ABCA4: variants seen among roughly 807,000 people sequenced by gnomAD.
ABCA4 encodes the protein ATP binding cassette subfamily A member 4.
Under a neutral mutation model 263.7 loss-of-function variants are expected in ABCA4, and 196 were observed. That is an observed-to-expected ratio of 0.74 (90% CI 0.66 to 0.84). The LOEUF is 0.84. ABCA4 is among the 40% of genes least tolerant of loss of function. The pLI, the probability that ABCA4 is intolerant of heterozygous loss-of-function variation, is 0.00. For synonymous variants in ABCA4, 1,133 were observed against 1,094.2 expected (o/e 1.04, Z -0.70); for missense variants, 2,792 against 2,855.1 (o/e 0.98, Z 0.50).
chr1:94,041,316 A>G lies in ABCA4; in HGVS notation c.3415T>C (p.Tyr1139His). 6.2e-7 allele frequency: 1 copy of G among 1,614,154 alleles called. No individual in the cohort carries two copies. The highest frequency in any genetic ancestry group is 8.5e-7 in the Non-Finnish European group (1 of 1,180,026). The change falls in exon 23 of 50, where the codon TAC (tyrosine) becomes CAC (histidine). Residue 1139 changes from tyrosine (Y) to histidine (H), a missense_variant. By Grantham distance (83) the Tyr-to-His change is moderately conservative. Transcript: ENST00000370225. ...AGGAAGAGTGGGGTGCCTGAGCAGT[A>G]GAGCCTTCCCTGGGCAATGATGGCA... ...RIAIIAQGRL[Y>H]CSGTPLFLKN...
intron 44 of ABCA4, 94 bp downstream of exon 44, chr1:94,005,347 C>T (rs985009752): frequency 2.7e-5 from 40 of 1,482,682 alleles, no homozygotes; most frequent in Non-Finnish European, 3.0e-5. Flanking sequence ...ATGAATAGCA[C>T]GCTTCAGTTT....
At chr1:94,105,499 A>C (rs921836411) in intron 4 of ABCA4, among the ~76,000 whole-genome samples, 3 of 152,174 alleles carry the variant, frequency 2.0e-5, no homozygotes, top group African/African-American at 7.2e-5. Context: ...GATACCAGAC[A>C]GAAGCTTCCC....
At position 94,021,988 on chromosome 1, in the gene ABCA4, C is replaced by T. The variant is rs144190442; in HGVS notation, c.4668-37G>A. On this transcript the variant is annotated intron_variant, in intron 32 of 49. Coordinates refer to ENST00000370225, the MANE Select transcript of ABCA4 (RefSeq NM_000350.3). ...ACAGGAAATCCTCAGACCAGGGCCA[C>T]GAACTTCACGCCTACTAGTAGCTCT... 105 of 1,552,000 alleles carry T rather than the reference C, an allele frequency of 6.8e-5. No homozygotes were observed. In the East Asian group the frequency reaches 1.5e-3, roughly 23 times the overall value.
chr1:94,099,758 T>C (rs1422498248), intron 5 of ABCA4, among the ~76,000 whole-genome samples: 6 of 152,234 alleles, frequency 3.9e-5, no homozygotes, highest in Non-Finnish European at 8.8e-5. Context: ...AAAAATTATT[T>C]GTTGTTTATC....
intron 48 of ABCA4, among the ~76,000 whole-genome samples, chr1:93,997,017 T>G (rs1045969777): frequency 1.3e-5 from 2 of 152,184 alleles, no homozygotes; most frequent in African/African-American, 4.8e-5. Context: ...TAGTGTTTAA[T>G]GGGCACAGAT....
chr1:94,028,930 A>AAAAAAC (rs35998587), intron 30 of ABCA4, among the ~76,000 whole-genome samples: 1,121 of 107,962 alleles, frequency 0.01, 181 homozygotes, highest in African/African-American at 0.035. Flanking sequence ...AAAAAAAAAA[A>AAAAAAC]GAAATTCAAA....
At chr1:94,084,945 T>C (rs1262100884) in intron 6 of ABCA4, among the ~76,000 whole-genome samples, 1 of 152,112 alleles carries the variant, frequency 6.6e-6, no homozygotes, top group Non-Finnish European at 1.5e-5. Flanking sequence ...GTCCTGCCCG[T>C]CCTCCCTCCT....
In ABCA4 at chr1:94,024,889, T is replaced by C. The variant is rs976584612; in HGVS notation, c.4634+65A>G. On this transcript the variant is annotated intron_variant, in intron 31 of 49. Transcript: ENST00000370225. ...CATAAATTGAGAGAGAAAATTATCT[T>C]CTGTCCCTAGTTAATATCTTCTACA... The C allele has an allele frequency of 6.6e-6, 9 of 1,371,152 alleles. No individual in the cohort carries two copies. In the African/African-American group the frequency reaches 1.3e-4, roughly 20 times the overall value. 84.9% of individuals were successfully genotyped at this position (1,371,152 alleles called of 1,614,324 possible).
chr1:94,010,705 T>A, intron 40 of ABCA4, 95 bp downstream of exon 40: 1 of 1,566,866 alleles, frequency 6.4e-7, no homozygotes. Context: ...CATTGTGGAG[T>A]GGGGCTCCTG....
At chr1:94,088,124 C>T (rs901386380) in intron 6 of ABCA4, among the ~76,000 whole-genome samples, 1 of 152,328 alleles carries the variant, frequency 6.6e-6, no homozygotes, top group African/African-American at 2.4e-5. Flanking sequence ...TACTAAGATG[C>T]TTTATCAAGA....
At chr1:94,070,778 G>A (rs1192399034) in intron 11 of ABCA4, among the ~76,000 whole-genome samples, 1 of 152,168 alleles carries the variant, frequency 6.6e-6, no homozygotes, top group African/African-American at 2.4e-5. Context: ...AGGCTCAGTG[G>A]TACCAGGTGG....
Position 94,023,397 on chromosome 1 carries a change from G to A in ABCA4, c.4656C>T (p.Val1552=), listed in dbSNP as rs1659953567. The A allele has an allele frequency of 6.2e-7, 1 of 1,608,796 alleles. No homozygotes were observed. Among genetic ancestry groups the A allele is most frequent in the Non-Finnish European group, 8.5e-7 (1 of 1,175,516 alleles). The change falls in exon 32 of 50, where the codon GTC becomes GTT. Residue 1552 remains valine, a synonymous_variant. Transcript: ENST00000370225. The part of the protein sequence containing the change: ...IRSSLKSKFW[V]NEQRYGGISI... ...AAATAGTTTCTTACCTCTGTTCATT[G>A]ACCCAGAATTTGCTCTTTAAGCTGA...
intron 6 of ABCA4, among the ~76,000 whole-genome samples, chr1:94,095,749 GTTT>G (rs4147879): frequency 6.6e-5 from 9 of 136,942 alleles, no homozygotes; most frequent in South Asian, 2.4e-4. Flanking sequence ...TTTCTTTCAG[GTTT>G]TTTTTTTTTT....
At chr1:94,096,036 C>G (rs114906526) in intron 6 of ABCA4, among the ~76,000 whole-genome samples, 1 of 152,298 alleles carries the variant, frequency 6.6e-6, no homozygotes, top group Non-Finnish European at 1.5e-5. Context: ...ATCTCCACAC[C>G]ACGGTGGTCT....
intron 37 of ABCA4, 116 bp downstream of exon 37, chr1:94,015,623 A>T: frequency 1.2e-6 from 1 of 848,012 alleles, no homozygotes; most frequent in Non-Finnish European, 2.0e-6. Flanking sequence ...GCCGGAAGCT[A>T]AACTTGTGGG....
At chr1:94,011,436 T>G (rs535400633) in intron 38 of ABCA4, 51 bp from the exon 39 acceptor site, 6 of 1,018,128 alleles carry the variant, frequency 5.9e-6, no homozygotes, top group Admixed American at 2.3e-5. Context: ...CCACCCCCCC[T>G]CTCTTCAGCA....
chr1:94,053,772 G>C (rs1557783558), intron 16 of ABCA4, among the ~76,000 whole-genome samples: 1 of 152,244 alleles, frequency 6.6e-6, no homozygotes, highest in African/African-American at 2.4e-5. Flanking sequence ...AAGCTGCCCA[G>C]TTAGTGGTAT....
chr1:94,010,802 T>A lies in ABCA4; in HGVS notation c.5712A>T (p.Gln1904His). Residue 1904 changes from glutamine (Q) to histidine (H), a missense_variant and splice_region_variant, in exon 40 of 50, where the codon CAA becomes CAT. Physicochemically the swap from Gln to His is conservative, Grantham distance 24 (BLOSUM62 0). Coordinates refer to ENST00000370225, the MANE Select transcript of ABCA4 (RefSeq NM_000350.3). ...CCCAGGGTGTGGCATGGACGTACCA[T>A]TGGGAGAGGAAGAAGTGGCGCTGGA... ...LLVQRHFFLSQWIAEPTKEPI... is the reference protein window; with the variant it reads ...LLVQRHFFLSHWIAEPTKEPI... 1 of 1,614,110 alleles carries A rather than the reference T, an allele frequency of 6.2e-7. No individual in the cohort carries two copies. The highest frequency in any genetic ancestry group is 8.5e-7 in the Non-Finnish European group (1 of 1,180,014).
intron 19 of ABCA4, chr1:94,046,111 T>G: frequency 5.5e-6 from 2 of 363,460 alleles, no homozygotes; most frequent in Non-Finnish European, 1.1e-5. Flanking sequence ...TGTTGAAGCC[T>G]GCCTAATGAT....
Sources: gnomAD v4.1 joint callset for allele counts (sites outside exome capture counted in the v4.1 genomes callset) on GRCh38, gnomAD v4.1.1 for gene constraint, MANE v1.5 for transcripts, NCBI Gene and HGNC (gene_info 2026-07-23, HGNC 2026-07-21) for gene names.